Variants in SHOX observed in about 807,000 individuals in gnomAD.
SHOX encodes SHOX homeobox, also known as short stature homeobox protein.
A neutral mutation model predicts 29.6 loss-of-function variants in SHOX; 12 were observed. That is an observed-to-expected ratio of 0.41 (90% CI 0.26 to 0.66). The LOEUF (loss-of-function observed/expected upper bound fraction) is 0.66. Among genes scored for constraint, SHOX ranks in the 30% least tolerant of loss-of-function variants. The probability of loss-of-function intolerance (pLI) is 0.35; values close to 1 mark genes in which losing one functional copy is unlikely to be tolerated. For missense variants in SHOX, 499 were observed against 437.7 expected, an observed-to-expected ratio of 1.14 and a Z score of -1.25; for synonymous variants, 214 against 200.6, an observed-to-expected ratio of 1.07 and a Z score of -0.57.
Position 644,546 on chromosome X carries a change from C to T in SHOX, c.789C>T (p.Val263=). Residue 263 remains valine, a synonymous_variant, in exon 5 of 5, where the codon GTC becomes GTT. Transcript: ENST00000686671. ...LAESASAAAV[V]AAAAKSNSKN... ...AGTCCGCCTCGGCCGCCGCCGTGGT[C>T]GCCGCCGCCGCCAAAAGCAACAGCA... 6.6e-7 allele frequency: 1 copy of T among 1,517,578 alleles called. No individual in the cohort carries two copies. Among genetic ancestry groups the T allele is most frequent in the Non-Finnish European group, 8.8e-7 (1 of 1,139,496 alleles). The allele number at this position is 1,517,578 out of a possible 1,614,324, so 94.0% of individuals were successfully genotyped here. A position where few individuals can be genotyped will look rare whatever the true frequency, so the allele number is the denominator to read the frequency against.
upstream of SHOX, among the ~76,000 whole-genome samples, chrX:630,202 G>T (rs1183409146): frequency 6.6e-6 from 1 of 152,140 alleles, no homozygotes. Flanking sequence ...CACTTTCGGG[G>T]ATTCTCCAGC....
intron 4 of SHOX, among the ~76,000 whole-genome samples, chrX:642,214 C>G (rs1440574596): frequency 2.0e-5 from 3 of 152,056 alleles, no homozygotes; most frequent in South Asian, 4.1e-4. Flanking sequence ...TGCCTGAACG[C>G]GCAGCGCAGC....
At chrX:644,352 C>T (rs1193985765) in intron 4 of SHOX, 39 bp from the exon 5 acceptor site, 37 of 1,509,128 alleles carry the variant, frequency 2.5e-5, no homozygotes, top group Admixed American at 4.1e-5. Context: ...CCCCCAGTCC[C>T]CATCCTGCGC....
intron 1 of SHOX, among the ~76,000 whole-genome samples, chrX:631,510 C>A (rs980430972): frequency 3.3e-5 from 5 of 150,476 alleles, no homozygotes; most frequent in African/African-American, 9.7e-5. Context: ...TTTTCATTTT[C>A]TTTTTCTTTC....
At position 631,044 on chromosome X, in the gene SHOX, G is replaced by A. The variant is rs747933287; in HGVS notation, c.147G>A (p.Leu49=). ...LESGLARSRE[L]GTSDSSLQDI... ...GCGGACTGGCGCGCTCCCGGGAGCT[G>A]GGGACGTCGGATTCCAGCCTCCAGG... The change falls in exon 1 of 5, where the codon CTG becomes CTA. Residue 49 remains leucine (L), a synonymous_variant. Transcript: ENST00000686671. The A allele has an allele frequency of 1.4e-5, 23 of 1,613,732 alleles. No individual in the cohort carries two copies. The highest frequency in any genetic ancestry group is 3.3e-4 in the Middle Eastern group (2 of 6,078).
At chrX:639,103 C>T (rs1403500951) in intron 2 of SHOX, among the ~76,000 whole-genome samples, 5 of 152,200 alleles carry the variant, frequency 3.3e-5, no homozygotes, top group South Asian at 2.1e-4. Context: ...AGAGGAGGCT[C>T]GTAGGAGGTG....
chrX:657,083 C>CAAAA lies in SHOX; in HGVS notation c.634-1691_634-1688dup, dbSNP rs1224553602. Among the ~76,000 whole-genome samples, 45 of 32,826 alleles carry CAAAA rather than the reference C, an allele frequency of 1.4e-3. 8 individuals carry two copies. Among genetic ancestry groups the CAAAA allele is most frequent in the African/African-American group, 3.4e-3 (31 of 9,024 alleles). 21.5% of individuals were successfully genotyped at this position (32,826 alleles called of 152,430 possible). ...TGGGCAACAGAGCAAGACTCCGTCT[C>CAAAA]AAAAAAAAAAAAAATGCTGCCCAAG... On this transcript the variant is annotated intron_variant, in intron 5 of 5. Transcript: ENST00000334060.
Position 644,283 on chromosome X carries a change from C to T in SHOX, c.634-108C>T. The T allele has an allele frequency of 3.0e-6, 4 of 1,322,126 alleles. No homozygotes were observed. In the South Asian group the frequency reaches 6.6e-5, roughly 22 times the overall value. The allele number at this position is 1,322,126 out of a possible 1,614,324, so 81.9% of individuals were successfully genotyped here. Reference sequence around the variant, plus strand: ...GTCTCCACGGCTGGAGAAGGGGCGACGCTCCCTAGGGGAGAAGAGGCACGT... The same window carrying T: ...GTCTCCACGGCTGGAGAAGGGGCGATGCTCCCTAGGGGAGAAGAGGCACGT... On this transcript the variant is annotated intron_variant, in intron 4 of 4. Coordinates refer to ENST00000686671, the MANE Select transcript of SHOX (RefSeq NM_000451.4).
chrX:658,980 G>C, exon 6 of SHOX: 1 of 172,708 alleles, frequency 5.8e-6, no homozygotes. Context: ...GGCCAGGCTG[G>C]TCTCGAACTC....
Position 644,744 on chromosome X carries a change from G to GCT in SHOX, c.*110_*111dup. ...CTGGAGCTCCTTCCGCGGCCACCGT[G>GCT]CTCCGGGCACCCCGGGAGCTCCTGC... On this transcript the variant is annotated 3_prime_UTR_variant, in exon 5 of 5. Transcript: ENST00000686671. 7.6e-7 allele frequency: 1 copy of GCT among 1,319,554 alleles called. No individual in the cohort carries two copies. The highest frequency in any genetic ancestry group is 1.9e-5 in the South Asian group (1 of 51,850). 81.7% of individuals were successfully genotyped at this position (1,319,554 alleles called of 1,614,324 possible).
Position 650,816 on chromosome X carries a change from A to AAAAAAAAAC in SHOX, c.*6183_*6184insAAAAACAAA, listed in dbSNP as rs2053049231. The stretch of plus-strand genomic sequence containing the variant: ...TTAAAAAAAAAAAAAAAAAAAAAAA[A>AAAAAAAAAC]AAACTGGTGCCTAATTTATTAAAGA... On this transcript the variant is annotated 3_prime_UTR_variant, in exon 5 of 5. Transcript: ENST00000686671. 2.0e-5 allele frequency among the ~76,000 whole-genome samples: 3 copies of AAAAAAAAAC among 150,994 alleles called. No homozygotes were observed. The highest frequency in any genetic ancestry group is 6.6e-5 in the Admixed American group (1 of 15,106).
intron 2 of SHOX, among the ~76,000 whole-genome samples, chrX:637,368 T>C (rs1456728183): frequency 6.6e-6 from 1 of 152,094 alleles, no homozygotes; most frequent in Non-Finnish European, 1.5e-5. Context: ...ACTGTTTCTA[T>C]AAAAATAAAT....
Position 648,371 on chromosome X carries a change from C to T in SHOX, c.*3735C>T, listed in dbSNP as rs957527973. Reference sequence around the variant, plus strand: ...TCCCGAGTAGCTGGGATTACAGGCACCTGCCACCAGGCCTGGGTAATTTTT... The same window carrying T: ...TCCCGAGTAGCTGGGATTACAGGCATCTGCCACCAGGCCTGGGTAATTTTT... On this transcript the variant is annotated 3_prime_UTR_variant, in exon 5 of 5. Coordinates refer to ENST00000686671, the MANE Select transcript of SHOX (RefSeq NM_000451.4). Among the ~76,000 whole-genome samples the T allele has an allele frequency of 3.6e-4, 55 of 152,178 alleles. No individual in the cohort carries two copies. Among genetic ancestry groups the T allele is most frequent in the Non-Finnish European group, 7.3e-4 (50 of 68,034 alleles).
chrX:634,917 C>A, intron 2 of SHOX, 91 bp downstream of exon 2: 2 of 1,356,402 alleles, frequency 1.5e-6, no homozygotes, highest in Admixed American at 2.4e-5. Flanking sequence ...GCGCCCGGGC[C>A]GCCGCCGTCC....
Position 634,765 on chromosome X carries a change from C to A in SHOX, c.425C>A (p.Pro142His). Residue 142 changes from proline (P) to histidine (H), a missense_variant, in exon 2 of 5, where the codon CCC becomes CAC. Pro to His is a moderately conservative substitution (Grantham distance 77). Transcript: ENST00000686671. ...LERLFDETHY[P>H]DAFMREELSQ... Reference sequence around the variant, plus strand: ...CGACTCTTCGACGAGACCCATTACCCCGACGCCTTCATGCGCGAGGAGCTC... The same window carrying A: ...CGACTCTTCGACGAGACCCATTACCACGACGCCTTCATGCGCGAGGAGCTC... 1 of 1,609,044 alleles carries A rather than the reference C, an allele frequency of 6.2e-7. No homozygotes were observed. The highest frequency in any genetic ancestry group is 8.5e-7 in the Non-Finnish European group (1 of 1,177,886).
downstream of SHOX, among the ~76,000 whole-genome samples, chrX:655,267 C>A (rs2053121320): frequency 2.0e-5 from 3 of 151,634 alleles, no homozygotes; most frequent in African/African-American, 7.3e-5. Flanking sequence ...GCCACCACGC[C>A]CGGCTAATTT....
chrX:633,024 G>A (rs1273931535), intron 1 of SHOX, among the ~76,000 whole-genome samples: 1 of 152,252 alleles, frequency 6.6e-6, no homozygotes, highest in South Asian at 2.1e-4. Flanking sequence ...TAAAGACCAG[G>A]CCAAAGACCC....
chrX:648,653 G>A lies in SHOX; in HGVS notation c.*4017G>A, dbSNP rs923856967. The stretch of plus-strand genomic sequence containing the variant: ...AATGGGTCCCCGAAGCAGATCAAAC[G>A]CAGAGAACTGTGAGGGTGGGACACG... On this transcript the variant is annotated 3_prime_UTR_variant, in exon 5 of 5. Coordinates refer to ENST00000686671, the MANE Select transcript of SHOX (RefSeq NM_000451.4). 6.6e-6 allele frequency among the ~76,000 whole-genome samples: 1 copy of A among 152,198 alleles called. No homozygotes were observed. The highest frequency in any genetic ancestry group is 1.9e-4 in the East Asian group (1 of 5,190).
chrX:630,585 T>G (rs187326087), upstream of SHOX: 12 of 508,612 alleles, frequency 2.4e-5, no homozygotes, highest in African/African-American at 1.9e-4. Flanking sequence ...ATGGGATCTT[T>G]CCCCCTTCGC....
Sources: gnomAD v4.1 joint callset for allele counts (sites outside exome capture counted in the v4.1 genomes callset) on GRCh38, gnomAD v4.1.1 for gene constraint, MANE v1.5 for transcripts, NCBI Gene and HGNC (gene_info 2026-07-23, HGNC 2026-07-21) for gene names.